The following CFAP97D2 variants were observed in gnomAD, a reference collection of about 807,000 sequenced individuals.
CFAP97D2 encodes CFAP97 domain containing 2, also known as uncharacterized protein CFAP97D2.
rs183158719 is a variant in CFAP97D2 at position 114,209,156 on chromosome 13, C to T, written c.291-2756C>T. Among the ~76,000 whole-genome samples the T allele has an allele frequency of 3.3e-5, 5 of 152,362 alleles. No homozygotes were observed. The East Asian group carries it at 9.6e-4, about 29-fold the overall frequency. ...TGGATAATAGAGAAACATTCCCTTT[C>T]TGCTGCCGTGAGGACCACAGTGAAA... On this transcript the variant is annotated intron_variant, in intron 3 of 4. Transcript: ENST00000646158.
chr13:114,185,075 GAC>G lies in CFAP97D2; in HGVS notation c.90+5656_90+5657del, dbSNP rs2080849905. On this transcript the variant is annotated intron_variant, in intron 1 of 4. Coordinates refer to ENST00000646158, the Ensembl canonical transcript of CFAP97D2. This position sits in a 1 kb window ranked among gnomAD's most constrained non-coding sequence, Gnocchi z 5.2. ...GCAGGAGTGGCAGTAACAGCGGTGGGACCTCTGTGTCCCACATCCCCAAGGCA... is the reference window on the plus strand; with the variant it reads ...GCAGGAGTGGCAGTAACAGCGGTGGGCTCTGTGTCCCACATCCCCAAGGCA... 6.6e-6 allele frequency among the ~76,000 whole-genome samples: 1 copy of G among 152,194 alleles called. No individual in the cohort carries two copies. The highest frequency in any genetic ancestry group is 1.5e-5 in the Non-Finnish European group (1 of 68,030).
intron 1 of CFAP97D2, among the ~76,000 whole-genome samples, chr13:114,195,328 T>C (rs1409589082): frequency 1.3e-5 from 2 of 152,224 alleles, no homozygotes; most frequent in Non-Finnish European, 2.9e-5. Context: ...AAGTGTGCTC[T>C]GTGAACACGT....
intron 2 of CFAP97D2, among the ~76,000 whole-genome samples, 172 bp downstream of exon 2, chr13:114,196,648 T>G (rs2080888914): frequency 6.6e-6 from 1 of 152,184 alleles, no homozygotes; most frequent in South Asian, 2.1e-4. Context: ...GGTTGATAAT[T>G]GGAGCAGAAA....
At chr13:114,216,752 C>T (rs1487946014) in intron 4 of CFAP97D2, among the ~76,000 whole-genome samples, 7 of 152,154 alleles carry the variant, frequency 4.6e-5, no homozygotes, top group African/African-American at 7.2e-5. Flanking sequence ...AATAAACATA[C>T]GTGTGCATGT....
rs1409871411 is a variant in CFAP97D2, at chr13:114,211,107, T to G, written c.291-805T>G. On this transcript the variant is annotated intron_variant, in intron 3 of 4. Coordinates refer to ENST00000646158, the Ensembl canonical transcript of CFAP97D2. This position sits in a 1 kb window ranked among gnomAD's most constrained non-coding sequence, Gnocchi z 4.2. Reference sequence around the variant, plus strand: ...TATTCCCTGCTTCCACAAATCTCCCTAGTTCACCAAACTCTCAGCCCTAAC... The same window carrying G: ...TATTCCCTGCTTCCACAAATCTCCCGAGTTCACCAAACTCTCAGCCCTAAC... 6.6e-6 allele frequency among the ~76,000 whole-genome samples: 1 copy of G among 152,180 alleles called. No individual in the cohort carries two copies. Among genetic ancestry groups the G allele is most frequent in the Non-Finnish European group, 1.5e-5 (1 of 68,040 alleles).
intron 1 of CFAP97D2, among the ~76,000 whole-genome samples, chr13:114,182,170 A>AT (rs1555349192): frequency 7.8e-6 from 1 of 128,918 alleles, no homozygotes; most frequent in Non-Finnish European, 1.7e-5. Context: ...GTCAGCAAAA[A>AT]ACGTGAGCAA....
chr13:114,186,455 G>A lies in CFAP97D2; in HGVS notation c.90+7035G>A, dbSNP rs1265300212. On this transcript the variant is annotated intron_variant, in intron 1 of 4. Coordinates refer to ENST00000646158, the Ensembl canonical transcript of CFAP97D2. The surrounding 1 kb of genome is among the most constrained non-coding windows in gnomAD (Gnocchi z 4.3). Reference sequence around the variant, plus strand: ...CTTCCTGGATGCAGGACAAGAACTTGGGACCCATCAAGTGGTGGGGCTAAA... The same window carrying A: ...CTTCCTGGATGCAGGACAAGAACTTAGGACCCATCAAGTGGTGGGGCTAAA... Among the ~76,000 whole-genome samples the A allele has an allele frequency of 6.6e-6, 1 of 152,194 alleles. No homozygotes were observed. The highest frequency in any genetic ancestry group is 1.9e-4 in the East Asian group (1 of 5,204).
intron 4 of CFAP97D2, among the ~76,000 whole-genome samples, chr13:114,217,215 G>A (rs2080997865): frequency 6.6e-6 from 1 of 152,200 alleles, no homozygotes; most frequent in South Asian, 2.1e-4. Flanking sequence ...TGATCCCACA[G>A]AAATACAAAC....
intron 3 of CFAP97D2, among the ~76,000 whole-genome samples, chr13:114,205,777 G>A (rs1027279885): frequency 1.3e-5 from 2 of 152,156 alleles, no homozygotes; most frequent in Admixed American, 6.5e-5. Context: ...AAGGGGATCC[G>A]GGCTCCTGTA....
At position 114,185,011 on chromosome 13, in the gene CFAP97D2, GTGGGGGGTGGTGCA is replaced by G. The variant is rs952989294; in HGVS notation, c.90+5596_90+5609del. On this transcript the variant is annotated intron_variant, in intron 1 of 4. Transcript: ENST00000646158. This position sits in a 1 kb window ranked among gnomAD's most constrained non-coding sequence, Gnocchi z 5.2. ...ACTGTCATCATGTCAGTTGCAGTGG[GTGGGGGGTGGTGCA>G]TGGGTGGTGGTGGTGGAAGCAGCTG... 6.6e-6 allele frequency among the ~76,000 whole-genome samples: 1 copy of G among 152,186 alleles called. No individual in the cohort carries two copies. Among genetic ancestry groups the G allele is most frequent in the African/African-American group, 2.4e-5 (1 of 41,446 alleles).
chr13:114,212,946 GGAAA>G (rs2080974686), intron 4 of CFAP97D2, among the ~76,000 whole-genome samples: 4 of 152,268 alleles, frequency 2.6e-5, no homozygotes, highest in South Asian at 2.1e-4. Flanking sequence ...AATCCAAAAT[GGAAA>G]GAGTTAAAAA....
At position 114,208,625 on chromosome 13, in the gene CFAP97D2, G is replaced by A. The variant is rs181382317; in HGVS notation, c.291-3287G>A. 3.0e-3 allele frequency among the ~76,000 whole-genome samples: 459 copies of A among 152,298 alleles called. 20 individuals carry two copies. The South Asian group carries it at 0.074, about 25-fold the overall frequency. On this transcript the variant is annotated intron_variant, in intron 3 of 4. Coordinates refer to ENST00000646158, the Ensembl canonical transcript of CFAP97D2. ...CTTGGTGATAAAGTCATAGGTTACC[G>A]TGTTTGTTGCCTCCAATTATAATGG...
At chr13:114,219,763 G>T (rs1594524163) in intron 4 of CFAP97D2, among the ~76,000 whole-genome samples, 1 of 152,340 alleles carries the variant, frequency 6.6e-6, no homozygotes, top group Non-Finnish European at 1.5e-5. Context: ...ACGACTCATT[G>T]TCTCTGAACC....
chr13:114,201,997 T>C (rs1006279761), intron 3 of CFAP97D2, among the ~76,000 whole-genome samples: 3 of 152,208 alleles, frequency 2.0e-5, no homozygotes, highest in Non-Finnish European at 4.4e-5. Flanking sequence ...TATTCATCAC[T>C]CCCCAGGTTT....
chr13:114,206,341 G>T (rs1481608315), intron 3 of CFAP97D2, among the ~76,000 whole-genome samples: 1 of 152,154 alleles, frequency 6.6e-6, no homozygotes, highest in Non-Finnish European at 1.5e-5. Context: ...GACCTCAGAT[G>T]ATCTGCCCAC....
rs2080850368 is a variant in CFAP97D2 at position 114,185,254 on chromosome 13, AC to A, written c.90+5838del. Among the ~76,000 whole-genome samples the A allele has an allele frequency of 4.6e-5, 7 of 152,190 alleles. No individual in the cohort carries two copies. The South Asian group carries it at 1.5e-3, about 32-fold the overall frequency. ...AAGAGGTGAACAGTACCCGGAGCCC[AC>A]CCCTGGGAGCCCCCTGGAACCTGTC... On this transcript the variant is annotated intron_variant, in intron 1 of 4. Transcript: ENST00000646158. This position sits in a 1 kb window ranked among gnomAD's most constrained non-coding sequence, Gnocchi z 5.2.
Position 114,203,840 on chromosome 13 carries a change from G to A in CFAP97D2, c.290+3397G>A, listed in dbSNP as rs1178534628. 6.6e-6 allele frequency among the ~76,000 whole-genome samples: 1 copy of A among 152,170 alleles called. No individual in the cohort carries two copies. Among genetic ancestry groups the A allele is most frequent in the Non-Finnish European group, 1.5e-5 (1 of 68,042 alleles). On this transcript the variant is annotated intron_variant, in intron 3 of 4. Transcript: ENST00000646158. This position sits in a 1 kb window ranked among gnomAD's most constrained non-coding sequence, Gnocchi z 4.3. ...TCTGGTGTAAACACTTGTCAGATGGGGCAGAGATTCTGGGCATTTGGCTGT... is the reference window on the plus strand; with the variant it reads ...TCTGGTGTAAACACTTGTCAGATGGAGCAGAGATTCTGGGCATTTGGCTGT...
At chr13:114,195,051 C>T (rs560710286) in intron 1 of CFAP97D2, among the ~76,000 whole-genome samples, 49 of 152,268 alleles carry the variant, frequency 3.2e-4, no homozygotes, top group Middle Eastern at 3.4e-3. Flanking sequence ...CCTTCACCCC[C>T]GCCCCACACA....
chr13:114,216,661 G>A (rs1217202571), intron 4 of CFAP97D2, among the ~76,000 whole-genome samples: 1 of 152,186 alleles, frequency 6.6e-6, no homozygotes, highest in Non-Finnish European at 1.5e-5. Context: ...TGGTGCATAT[G>A]TGCCACATTT....
Sources: allele counts gnomAD v4.1 joint callset (sites outside exome capture counted in the v4.1 genomes callset), GRCh38; gene constraint gnomAD v4.1.1; non-coding constraint Gnocchi (gnomAD v3.1); transcripts MANE v1.5; gene names NCBI Gene and HGNC (gene_info 2026-07-23, HGNC 2026-07-21).